The following SYN3 variants were observed in gnomAD, a reference collection of about 807,000 sequenced individuals.
The protein encoded by SYN3 is synapsin-3.
In SYN3, 35 loss-of-function variants were observed where a neutral mutation model predicts 65.8. The ratio of observed to expected loss-of-function variants is 0.53; its 90% CI spans 0.41 to 0.70. The LOEUF is 0.70. Ranked by LOEUF, SYN3 falls within the 30% of genes least tolerant of loss-of-function variation. SYN3 has a pLI of 0.00. For synonymous variants in SYN3, 270 were observed against 292.9 expected (o/e 0.92, Z 0.80); for missense variants, 680 against 749.0 (o/e 0.91, Z 1.08).
rs559818957 is a variant in SYN3, at chr22:32,647,230, G to A, written c.712-50494C>T. On this transcript the variant is annotated intron_variant, in intron 6 of 13. Transcript: ENST00000358763. ...CAAATCCAAGGGGGTCAGCAGAGGAGGGACCCAGGGATCTCCAGAAGGCCT... is the reference window on the plus strand; with the variant it reads ...CAAATCCAAGGGGGTCAGCAGAGGAAGGACCCAGGGATCTCCAGAAGGCCT... Among the ~76,000 whole-genome samples, 23 of 152,200 alleles carry A rather than the reference G, an allele frequency of 1.5e-4. No individual in the cohort carries two copies. The South Asian group carries it at 4.8e-3, about 32-fold the overall frequency.
intron 6 of SYN3, among the ~76,000 whole-genome samples, chr22:32,658,419 CT>C (rs1201408090): frequency 6.6e-6 from 1 of 152,210 alleles, no homozygotes; most frequent in Admixed American, 6.5e-5. Context: ...GGCAGGGGTC[CT>C]CCTGGAGACT....
chr22:32,701,594 G>T (rs771296825), intron 6 of SYN3, among the ~76,000 whole-genome samples: 18 of 152,122 alleles, frequency 1.2e-4, no homozygotes, highest in Non-Finnish European at 2.2e-4. Context: ...AGATGTAAAA[G>T]GATGCTCATA....
At chr22:32,779,485 C>A (rs130535) in intron 6 of SYN3, among the ~76,000 whole-genome samples, 3 of 152,068 alleles carry the variant, frequency 2.0e-5, no homozygotes, top group Non-Finnish European at 4.4e-5. Context: ...ACAAACAAAT[C>A]TATGAAGCAA....
chr22:32,801,912 C>G lies in SYN3; in HGVS notation c.711+63003G>C. 2.1e-6 allele frequency: 3 copies of G among 1,420,580 alleles called. No homozygotes were observed. Among genetic ancestry groups the G allele is most frequent in the South Asian group, 2.9e-5 (2 of 69,130 alleles). 88.0% of individuals were successfully genotyped at this position (1,420,580 alleles called of 1,614,324 possible). On this transcript the variant is annotated intron_variant, in intron 6 of 13. Transcript: ENST00000358763. The surrounding 1 kb of genome is among the most constrained non-coding windows in gnomAD (Gnocchi z 4.7). ...TGCCCCGCACGGCCCGGCGGGCGAG[C>G]GAGCTCGGGCTGCAGCAGCCCCGCC...
chr22:32,747,391 G>C (rs2044970481), intron 6 of SYN3, among the ~76,000 whole-genome samples: 1 of 152,108 alleles, frequency 6.6e-6, no homozygotes, highest in Non-Finnish European at 1.5e-5. Flanking sequence ...TTCATTGGTA[G>C]CTTAATGAAT....
intron 6 of SYN3, among the ~76,000 whole-genome samples, chr22:32,683,430 T>C (rs2147122000): frequency 6.6e-6 from 1 of 152,302 alleles, no homozygotes; most frequent in South Asian, 2.1e-4. Flanking sequence ...CCTGGAATGC[T>C]TGTTTCTTAG....
At position 33,006,307 on chromosome 22, in the gene SYN3, C is replaced by T. The variant is rs116240938; in HGVS notation, c.311+45G>A. 6.3e-4 allele frequency: 973 copies of T among 1,539,488 alleles called. 6 individuals carry two copies. The African/African-American group carries it at 0.012, about 18-fold the overall frequency. ...CCAGGAGATGAGATAATCCCCACTC[C>T]TCTCTTGCCCCAGAAGGTGGTAGCA... On this transcript the variant is annotated intron_variant, in intron 2 of 13. Coordinates refer to ENST00000358763, the MANE Select transcript of SYN3 (RefSeq NM_003490.4).
At chr22:32,862,758 G>T (rs528951412) in intron 6 of SYN3, 3 of 152,598 alleles carry the variant, frequency 2.0e-5, no homozygotes, top group Non-Finnish European at 2.9e-5. Context: ...TTTTGCTTTG[G>T]GGGTAGAGGC....
chr22:32,948,143 G>A (rs2051169030), intron 3 of SYN3, among the ~76,000 whole-genome samples: 2 of 152,156 alleles, frequency 1.3e-5, no homozygotes, highest in African/African-American at 4.8e-5. Flanking sequence ...TCCATCTCCA[G>A]TATGAGAAAG....
At chr22:32,961,373 G>T (rs1451096650) in intron 3 of SYN3, among the ~76,000 whole-genome samples, 1 of 152,042 alleles carries the variant, frequency 6.6e-6, no homozygotes, top group Admixed American at 6.5e-5. Flanking sequence ...ATGCCCAACA[G>T]TTCACAGAGT....
At chr22:32,706,325 C>A (rs1266375643) in intron 6 of SYN3, among the ~76,000 whole-genome samples, 1 of 152,132 alleles carries the variant, frequency 6.6e-6, no homozygotes, top group Non-Finnish European at 1.5e-5. Context: ...AAAAAAGCGA[C>A]ACCATAAGTA....
intron 3 of SYN3, among the ~76,000 whole-genome samples, chr22:32,936,323 T>C (rs1261214345): frequency 6.6e-6 from 1 of 152,198 alleles, no homozygotes; most frequent in Non-Finnish European, 1.5e-5. Flanking sequence ...ATGTTTATCC[T>C]AGCTTACTGC....
chr22:32,893,531 G>C (rs550783318), intron 4 of SYN3, among the ~76,000 whole-genome samples: 3 of 152,294 alleles, frequency 2.0e-5, no homozygotes, highest in African/African-American at 7.2e-5. Flanking sequence ...GAGTTTGGCA[G>C]TAAGTGGAGA....
intron 6 of SYN3, among the ~76,000 whole-genome samples, chr22:32,763,018 T>C (rs756835718): frequency 3.3e-5 from 5 of 152,198 alleles, no homozygotes; most frequent in Non-Finnish European, 1.5e-5. Context: ...ACAATTAGTA[T>C]CTTATTGAGT....
At chr22:32,923,425 T>C (rs1159738539) in intron 4 of SYN3, among the ~76,000 whole-genome samples, 7 of 152,212 alleles carry the variant, frequency 4.6e-5, no homozygotes. Context: ...AGAAATAAAG[T>C]TTTACCAGCC....
intron 1 of SYN3, among the ~76,000 whole-genome samples, chr22:33,033,583 C>T (rs2053794279): frequency 6.6e-6 from 1 of 152,266 alleles, no homozygotes; most frequent in Non-Finnish European, 1.5e-5. Context: ...TCACTCAGCC[C>T]CCTAGTCTCA....
At chr22:32,757,485 C>T (rs374539659) in intron 6 of SYN3, among the ~76,000 whole-genome samples, 11 of 152,008 alleles carry the variant, frequency 7.2e-5, no homozygotes, top group South Asian at 4.2e-4. Flanking sequence ...TTAGCAGAGA[C>T]GGGGTTTTTC....
In SYN3 at chr22:32,806,273, A is replaced by G. The variant is rs2046733490; in HGVS notation, c.711+58642T>C. On this transcript the variant is annotated intron_variant, in intron 6 of 13. Transcript: ENST00000358763. ...TCTGTGTCCCTTTCACAGTCCCTGG[A>G]TAGATAAGGCTAGAAAAGTGGCCAC... Among the ~76,000 whole-genome samples the G allele has an allele frequency of 2.0e-5, 3 of 152,118 alleles. No individual in the cohort carries two copies. The South Asian group carries it at 6.2e-4, about 32-fold the overall frequency.
intron 6 of SYN3, among the ~76,000 whole-genome samples, chr22:32,817,692 T>C (rs139369735): frequency 9.8e-5 from 15 of 152,366 alleles, no homozygotes; most frequent in African/African-American, 3.6e-4. Flanking sequence ...TAATCTTGCT[T>C]GGCTCAGTTC....
Sources: gnomAD v4.1 joint callset for allele counts (sites outside exome capture counted in the v4.1 genomes callset) on GRCh38, gnomAD v4.1.1 for gene constraint, Gnocchi (gnomAD v3.1) non-coding constraint, MANE v1.5 for transcripts, NCBI Gene and HGNC (gene_info 2026-07-23, HGNC 2026-07-21) for gene names.